The following KAT2B variants were observed in gnomAD, a reference collection of about 807,000 sequenced individuals.
The protein encoded by KAT2B is lysine acetyltransferase 2B, also known as histone acetyltransferase KAT2B.
Under a neutral mutation model 105.9 loss-of-function variants are expected in KAT2B, and 36 were observed. That is an observed-to-expected ratio of 0.34 (90% CI 0.26 to 0.45). The LOEUF is 0.45. Ranked by LOEUF, KAT2B falls within the 20% of genes least tolerant of loss-of-function variation. The pLI is 1.00. For synonymous variants in KAT2B, 397 were observed against 377.9 expected (o/e 1.05, Z -0.59); for missense variants, 820 against 1,021.6 (o/e 0.80, Z 2.69).
chr3:20,144,883 C>T (rs965664867), intron 13 of KAT2B, among the ~76,000 whole-genome samples: 2 of 152,020 alleles, frequency 1.3e-5, no homozygotes, highest in African/African-American at 4.8e-5. Flanking sequence ...GCAACCTCCA[C>T]CTCCCAGGTT....
intron 12 of KAT2B, among the ~76,000 whole-genome samples, chr3:20,139,977 T>C (rs186469242): frequency 0.01 from 1,535 of 152,336 alleles, 20 homozygotes; most frequent in Non-Finnish European, 0.011. Context: ...TTTTAAACTT[T>C]TTAATATTTC....
intron 8 of KAT2B, among the ~76,000 whole-genome samples, chr3:20,121,870 C>G (rs1306789121): frequency 2.0e-5 from 3 of 150,784 alleles, no homozygotes; most frequent in African/African-American, 7.3e-5. Context: ...CTGAAATCAG[C>G]CACCCATCAG....
intron 2 of KAT2B, among the ~76,000 whole-genome samples, chr3:20,091,715 T>C (rs1397511446): frequency 6.6e-6 from 1 of 152,194 alleles, no homozygotes; most frequent in Non-Finnish European, 1.5e-5. Flanking sequence ...TCTTAAGATA[T>C]TTTTAAATTT....
chr3:20,119,020 T>C (rs1256986742), intron 7 of KAT2B, among the ~76,000 whole-genome samples: 1 of 152,052 alleles, frequency 6.6e-6, no homozygotes, highest in Non-Finnish European at 1.5e-5. Context: ...AATTTTTCCA[T>C]TGCATCAGGA....
chr3:20,088,385 A>G (rs985997250), intron 2 of KAT2B, among the ~76,000 whole-genome samples: 3 of 152,288 alleles, frequency 2.0e-5, no homozygotes, highest in African/African-American at 7.2e-5. Context: ...ACAGTGTGCA[A>G]GGGTTCCTTG....
chr3:20,098,715 T>A (rs932588072), intron 3 of KAT2B, among the ~76,000 whole-genome samples: 1 of 152,224 alleles, frequency 6.6e-6, no homozygotes, highest in Non-Finnish European at 1.5e-5. Context: ...TTATGACCAA[T>A]CTTTAGATAT....
At chr3:20,112,180 T>TC (rs1186649631) in intron 6 of KAT2B, among the ~76,000 whole-genome samples, 4 of 151,510 alleles carry the variant, frequency 2.6e-5, no homozygotes, top group Non-Finnish European at 5.9e-5. Context: ...TTTTTTTTTT[T>TC]CCGTTCAATT....
intron 6 of KAT2B, 42 bp from the exon 7 acceptor site, chr3:20,114,840 G>A (rs1381918792): frequency 1.8e-6 from 2 of 1,104,510 alleles, no homozygotes; most frequent in Admixed American, 1.8e-5. Context: ...TATCCTTACA[G>A]TAGTTTTTTT....
intron 1 of KAT2B, among the ~76,000 whole-genome samples, chr3:20,062,308 A>AAAAT (rs1698146662): frequency 3.2e-5 from 2 of 63,270 alleles, no homozygotes; most frequent in Non-Finnish European, 6.3e-5. Context: ...TATAAAATAT[A>AAAAT]ATATATATAA....
chr3:20,050,199 C>CAA (rs11298850), intron 1 of KAT2B, among the ~76,000 whole-genome samples: 2 of 104,074 alleles, frequency 1.9e-5, no homozygotes, highest in African/African-American at 3.7e-5. Context: ...GACCCTGTCT[C>CAA]AAAAAAAAAA....
chr3:20,147,339 C>T (rs765587521), intron 14 of KAT2B, among the ~76,000 whole-genome samples: 1 of 151,716 alleles, frequency 6.6e-6, no homozygotes, highest in African/African-American at 2.4e-5. Flanking sequence ...ACTTGTGCCA[C>T]GCATTTATCT....
At chr3:20,091,336 A>T (rs1192224857) in intron 2 of KAT2B, among the ~76,000 whole-genome samples, 1 of 152,078 alleles carries the variant, frequency 6.6e-6, no homozygotes, top group East Asian at 1.9e-4. Context: ...TTTCTGTGGT[A>T]TCAGTTATAA....
Position 20,152,583 on chromosome 3 carries a change from GTTTAGTTT to G in KAT2B, c.*63_*70del. ...CAAGCAGTGTGCCTAAAGCAAGGTGGTTTAGTTTTTTACAAAGAATTGGACATGATGTA... is the reference window on the plus strand; with the variant it reads ...CAAGCAGTGTGCCTAAAGCAAGGTGGTTTACAAAGAATTGGACATGATGTA... On this transcript the variant is annotated 3_prime_UTR_variant, in exon 18 of 18. Transcript: ENST00000263754. 7.2e-7 allele frequency: 1 copy of G among 1,394,860 alleles called. No individual in the cohort carries two copies. The allele number at this position is 1,394,860 out of a possible 1,614,324, so 86.4% of individuals were successfully genotyped here.
At chr3:20,047,773 C>T (rs1697840785) in intron 1 of KAT2B, among the ~76,000 whole-genome samples, 1 of 151,866 alleles carries the variant, frequency 6.6e-6, no homozygotes, top group South Asian at 2.1e-4. Context: ...CCACCATGCC[C>T]TGTTAAATTT....
chr3:20,061,425 T>C (rs1698098548), intron 1 of KAT2B, among the ~76,000 whole-genome samples: 1 of 152,198 alleles, frequency 6.6e-6, no homozygotes. Context: ...TGCTTAATAA[T>C]GATACTAGGA....
At chr3:20,076,398 A>C (rs1434139278) in intron 2 of KAT2B, among the ~76,000 whole-genome samples, 3 of 152,176 alleles carry the variant, frequency 2.0e-5, no homozygotes, top group African/African-American at 7.2e-5. Flanking sequence ...CTTAAAACTG[A>C]AATTACTGCA....
At chr3:20,149,462 C>G (rs1260012044) in intron 17 of KAT2B, among the ~76,000 whole-genome samples, 1 of 116,758 alleles carries the variant, frequency 8.6e-6, no homozygotes, top group East Asian at 3.1e-4. Flanking sequence ...CACCACTGCA[C>G]TTCAGCCTGG....
chr3:20,145,517 G>A (rs201811492), intron 13 of KAT2B, among the ~76,000 whole-genome samples: 5 of 101,460 alleles, frequency 4.9e-5, no homozygotes, highest in South Asian at 3.1e-4. Context: ...CCAAAATTTC[G>A]TTATGATATG....
chr3:20,134,785 G>T (rs1045355140), intron 11 of KAT2B, among the ~76,000 whole-genome samples: 3 of 152,042 alleles, frequency 2.0e-5, no homozygotes, highest in African/African-American at 7.2e-5. Context: ...TGTAATGCAG[G>T]CCTCAAATGC....
Sources: allele counts gnomAD v4.1 joint callset (sites outside exome capture counted in the v4.1 genomes callset), GRCh38; gene constraint gnomAD v4.1.1; transcripts MANE v1.5; gene names NCBI Gene and HGNC (gene_info 2026-07-23, HGNC 2026-07-21).